Variants in SCHIP1 observed in about 807,000 individuals in gnomAD.
SCHIP1 encodes the protein schwannomin interacting protein 1.
Under a neutral mutation model 29.7 loss-of-function variants are expected in SCHIP1, and 8 were observed. The ratio of observed to expected loss-of-function variants is 0.27; its 90% CI spans 0.16 to 0.49. The LOEUF (loss-of-function observed/expected upper bound fraction) is 0.49. Among genes scored for constraint, SCHIP1 ranks in the 20% least tolerant of loss-of-function variants. The probability of loss-of-function intolerance (pLI) is 0.99; values close to 1 mark genes in which losing one functional copy is unlikely to be tolerated. For synonymous variants in SCHIP1, 76 were observed against 94.9 expected (o/e 0.80, Z 1.16); for missense variants, 193 against 294.6 (o/e 0.66, Z 2.52).
chr3:159,708,013 C>T, the SCHIP1 span, among the ~76,000 whole-genome samples: 4 of 152,174 alleles, frequency 2.6e-5, no homozygotes, highest in African/African-American at 9.7e-5. Context: ...CTTCCTCCCT[C>T]TCTTCAAAAT....
chr3:159,613,932 TAC>T, the SCHIP1 span, among the ~76,000 whole-genome samples: 7 of 152,356 alleles, frequency 4.6e-5, no homozygotes, highest in East Asian at 7.7e-4. Context: ...TATAAATTAT[TAC>T]AGTCTTCAAT....
chr3:159,282,589 G>C, the SCHIP1 span: 1 of 150,470 alleles, frequency 6.6e-6, no homozygotes, highest in Non-Finnish European at 1.5e-5. Flanking sequence ...TGAAATTTTG[G>C]TGTATGGCAT....
At chr3:159,589,040 T>C in the SCHIP1 span, among the ~76,000 whole-genome samples, 2 of 152,214 alleles carry the variant, frequency 1.3e-5, no homozygotes, top group East Asian at 3.8e-4. Flanking sequence ...ACTGAATCTA[T>C]AAATTACCTT....
the SCHIP1 span, among the ~76,000 whole-genome samples, chr3:159,745,805 T>G: frequency 4.3e-4 from 66 of 152,376 alleles, no homozygotes; most frequent in African/African-American, 1.5e-3. Context: ...TGACTCACAG[T>G]CATGTTAATG....
chr3:159,437,506 G>C, the SCHIP1 span, among the ~76,000 whole-genome samples: 7 of 152,038 alleles, frequency 4.6e-5, no homozygotes. Context: ...TTAGTGTCAG[G>C]AACTGTGACT....
At chr3:159,319,009 A>G in the SCHIP1 span, among the ~76,000 whole-genome samples, 1 of 152,194 alleles carries the variant, frequency 6.6e-6, no homozygotes, top group African/African-American at 2.4e-5. Flanking sequence ...TGATTAATCT[A>G]TAGGAGCCTG....
the SCHIP1 span, among the ~76,000 whole-genome samples, chr3:159,442,973 G>A: frequency 6.6e-6 from 1 of 152,150 alleles, no homozygotes; most frequent in South Asian, 2.1e-4. Flanking sequence ...ACTCCAGGGA[G>A]ACTTAGCTGT....
At chr3:159,279,186 T>A in the SCHIP1 span, among the ~76,000 whole-genome samples, 1 of 152,152 alleles carries the variant, frequency 6.6e-6, no homozygotes, top group African/African-American at 2.4e-5. Flanking sequence ...AATTGAATCA[T>A]GGGAGCAGGT....
At chr3:159,368,436 C>A in the SCHIP1 span, among the ~76,000 whole-genome samples, 3 of 152,276 alleles carry the variant, frequency 2.0e-5, no homozygotes, top group Admixed American at 2.0e-4. Context: ...TAGAATTAAA[C>A]TGCAGTTTTT....
At chr3:159,798,496 G>A in the SCHIP1 span, among the ~76,000 whole-genome samples, 1 of 151,420 alleles carries the variant, frequency 6.6e-6, no homozygotes, top group South Asian at 2.1e-4. Context: ...AGTGGTTCAC[G>A]CCCGTAATCC....
At chr3:159,423,947 C>T in the SCHIP1 span, among the ~76,000 whole-genome samples, 1 of 152,020 alleles carries the variant, frequency 6.6e-6, no homozygotes, top group Admixed American at 6.6e-5. Context: ...CCCAGGCAAA[C>T]AGGGTCTGGA....
chr3:159,631,979 CTA>C, the SCHIP1 span, among the ~76,000 whole-genome samples: 1 of 151,496 alleles, frequency 6.6e-6, no homozygotes, highest in South Asian at 2.1e-4. Flanking sequence ...AATATGTATT[CTA>C]TGTTTTTAAA....
the SCHIP1 span, among the ~76,000 whole-genome samples, chr3:159,681,583 A>G: frequency 6.6e-6 from 1 of 152,212 alleles, no homozygotes; most frequent in Admixed American, 6.5e-5. Flanking sequence ...CATTACCCAT[A>G]TTACCTTAGC....
the SCHIP1 span, among the ~76,000 whole-genome samples, chr3:159,696,483 C>T: frequency 6.6e-6 from 1 of 152,190 alleles, no homozygotes; most frequent in South Asian, 2.1e-4. Context: ...AGGCGCCCTT[C>T]ATTTGGGTTC....
chr3:159,773,788 A>G, the SCHIP1 span, among the ~76,000 whole-genome samples: 1 of 152,234 alleles, frequency 6.6e-6, no homozygotes, highest in Non-Finnish European at 1.5e-5. Flanking sequence ...GGATGATAGA[A>G]AGCTAGCGGA....
At chr3:159,313,790 C>A in the SCHIP1 span, among the ~76,000 whole-genome samples, 13 of 152,104 alleles carry the variant, frequency 8.5e-5, no homozygotes, top group Non-Finnish European at 1.8e-4. Context: ...TCTCCTTAAT[C>A]TCCTCTAATC....
chr3:159,324,075 G>A, the SCHIP1 span, among the ~76,000 whole-genome samples: 1 of 152,074 alleles, frequency 6.6e-6, no homozygotes, highest in Non-Finnish European at 1.5e-5. Flanking sequence ...CTTATAACAG[G>A]TTATTTATTA....
the SCHIP1 span, among the ~76,000 whole-genome samples, chr3:159,811,927 C>T: frequency 2.0e-5 from 3 of 147,536 alleles, no homozygotes; most frequent in African/African-American, 5.0e-5. Context: ...TTAGATCTTT[C>T]TTCTTATAAT....
At chr3:159,373,066 G>A in the SCHIP1 span, among the ~76,000 whole-genome samples, 1 of 151,706 alleles carries the variant, frequency 6.6e-6, no homozygotes, top group Non-Finnish European at 1.5e-5. Context: ...TCTGAAAAAA[G>A]GGTATTTTAT....
Sources: gnomAD v4.1 joint callset for allele counts (sites outside exome capture counted in the v4.1 genomes callset) on GRCh38, gnomAD v4.1.1 for gene constraint, MANE v1.5 for transcripts, NCBI Gene and HGNC (gene_info 2026-07-23, HGNC 2026-07-21) for gene names.